Variants in MED13L observed in about 807,000 individuals in gnomAD.
MED13L encodes the protein mediator complex subunit 13L, also known as mediator of RNA polymerase II transcription subunit 13-like.
In MED13L, 7 loss-of-function variants were observed where a neutral mutation model predicts 220.9. The observed-to-expected ratio is 0.03, with a 90% confidence interval of 0.02 to 0.06. MED13L has a LOEUF of 0.06. Among genes scored for constraint, MED13L ranks in the 10% least tolerant of loss-of-function variants. The probability of loss-of-function intolerance (pLI) is 1.00; values close to 1 mark genes in which losing one functional copy is unlikely to be tolerated. For missense variants in MED13L, 1,965 were observed against 2,760.5 expected (o/e 0.71, Z 6.46); for synonymous variants, 1,011 against 1,015.2 (o/e 1.00, Z 0.08).
At chr12:116,134,671 T>C (rs1876374420) in intron 2 of MED13L, among the ~76,000 whole-genome samples, 1 of 152,194 alleles carries the variant, frequency 6.6e-6, no homozygotes, top group Non-Finnish European at 1.5e-5. Context: ...GCAAGTTAAA[T>C]GCAATTAAGT....
chr12:116,079,414 G>C (rs983417961), intron 4 of MED13L, among the ~76,000 whole-genome samples: 1 of 151,940 alleles, frequency 6.6e-6, no homozygotes. Context: ...ATGGGGGAGG[G>C]GGGGTCTCAC....
chr12:116,119,084 G>A (rs984203923), intron 2 of MED13L, among the ~76,000 whole-genome samples: 1 of 152,168 alleles, frequency 6.6e-6, no homozygotes, highest in South Asian at 2.1e-4. Flanking sequence ...CTGTCACTCA[G>A]TGTCGGGCTT....
At chr12:116,233,920 A>G (rs988583600) in intron 2 of MED13L, among the ~76,000 whole-genome samples, 3 of 152,206 alleles carry the variant, frequency 2.0e-5, no homozygotes, top group Non-Finnish European at 4.4e-5. Flanking sequence ...TTTCAGAGAT[A>G]TGTCAAGCAA....
Position 116,277,170 on chromosome 12 carries a change from G to C in MED13L, c.-39C>G. 6.7e-7 allele frequency: 1 copy of C among 1,490,374 alleles called. No homozygotes were observed. Among genetic ancestry groups the C allele is most frequent in the Non-Finnish European group, 9.0e-7 (1 of 1,110,940 alleles). The allele number at this position is 1,490,374 out of a possible 1,614,324, so 92.3% of individuals were successfully genotyped here. ...CCCGGCCGCCAGAGCGGGGCATGTC[G>C]GAGCGAGGCGTCCGAGGCGAGGCCG... On this transcript the variant is annotated 5_prime_UTR_variant, in exon 1 of 31. Transcript: ENST00000281928.
At chr12:116,005,717 A>G in intron 13 of MED13L, 152 bp downstream of exon 13, 2 of 1,010,472 alleles carry the variant, frequency 2.0e-6, no homozygotes, top group Non-Finnish European at 3.0e-6. Context: ...GCATGACTAG[A>G]TTCCAGTATA....
chr12:115,999,756 C>T (rs1395866918), intron 14 of MED13L, among the ~76,000 whole-genome samples: 1 of 152,136 alleles, frequency 6.6e-6, no homozygotes, highest in Non-Finnish European at 1.5e-5. Flanking sequence ...TTTCCACCCA[C>T]TTAGTGTTAG....
At chr12:116,111,563 C>T (rs776269902) in intron 2 of MED13L, 51 bp from the exon 3 acceptor site, 1 of 1,394,370 alleles carries the variant, frequency 7.2e-7, no homozygotes, top group South Asian at 1.3e-5. Context: ...AAAGGACATC[C>T]AAATAAAAAG....
chr12:115,993,284 C>T (rs1878185515), intron 16 of MED13L, among the ~76,000 whole-genome samples: 1 of 152,072 alleles, frequency 6.6e-6, no homozygotes, highest in South Asian at 2.1e-4. Flanking sequence ...GTCCATTCTT[C>T]CTACTTAGAA....
chr12:115,975,766 G>A, intron 23 of MED13L, 28 bp from the exon 24 acceptor site: 2 of 1,594,912 alleles, frequency 1.3e-6, no homozygotes, highest in Non-Finnish European at 1.7e-6. Flanking sequence ...ATCAATATCA[G>A]TACAAAGCCA....
At chr12:116,241,034 C>T (rs1019967877) in intron 1 of MED13L, among the ~76,000 whole-genome samples, 75 of 151,978 alleles carry the variant, frequency 4.9e-4, no homozygotes, top group African/African-American at 1.6e-3. Flanking sequence ...ATAGGCCAGG[C>T]GCAGTGGCTC....
chr12:116,022,832 T>C (rs539246100), intron 4 of MED13L, among the ~76,000 whole-genome samples: 6 of 152,322 alleles, frequency 3.9e-5, no homozygotes, highest in African/African-American at 1.2e-4. Context: ...CTGTACAAAA[T>C]GTTTCCAGTT....
At chr12:116,160,850 G>T (rs138874428) in intron 2 of MED13L, among the ~76,000 whole-genome samples, 1 of 151,320 alleles carries the variant, frequency 6.6e-6, no homozygotes, top group Non-Finnish European at 1.5e-5. Flanking sequence ...TTATAGGCGT[G>T]AGCCACCGTG....
intron 1 of MED13L, among the ~76,000 whole-genome samples, chr12:116,238,648 T>C (rs779876079): frequency 6.6e-6 from 1 of 152,222 alleles, no homozygotes; most frequent in Non-Finnish European, 1.5e-5. Context: ...TGTTAGCAAG[T>C]TGTTTGCAAA....
Position 116,019,324 on chromosome 12 carries a change from G to A in MED13L, c.909C>T (p.Gly303=), listed in dbSNP as rs758993882. ...PVPQSVASAG[G]HIAVGQQGLG... ...GCCCTTGCTGCCCAACTGCAATGTG[G>A]CCTCCAGCACTGGCAACACTCTGAG... The change falls in exon 7 of 31, where the codon GGC becomes GGT. Residue 303 remains glycine, a synonymous_variant. Transcript: ENST00000281928. 20 of 1,613,908 alleles carry A rather than the reference G, an allele frequency of 1.2e-5. No individual in the cohort carries two copies. The highest frequency in any genetic ancestry group is 1.7e-6 in the Non-Finnish European group (2 of 1,179,966).
At chr12:116,211,422 C>CAA (rs533209410) in intron 2 of MED13L, among the ~76,000 whole-genome samples, 1 of 145,990 alleles carries the variant, frequency 6.8e-6, no homozygotes, top group African/African-American at 2.5e-5. Flanking sequence ...TTTTGCTGAC[C>CAA]AAAAAAAAAA....
intron 25 of MED13L, 55 bp from the exon 26 acceptor site, chr12:115,972,291 G>GCC (rs1280345867): frequency 3.8e-6 from 6 of 1,598,476 alleles, no homozygotes; most frequent in Non-Finnish European, 5.1e-6. Flanking sequence ...ACTGATGGGA[G>GCC]ATTTGAGCTT....
chr12:116,132,146 C>A (rs532976288), intron 2 of MED13L, among the ~76,000 whole-genome samples: 2 of 151,766 alleles, frequency 1.3e-5, no homozygotes, highest in South Asian at 4.2e-4. Flanking sequence ...CAGGTCATGA[C>A]GGCAGGTGCC....
At chr12:116,066,331 G>A (rs1244498355) in intron 4 of MED13L, among the ~76,000 whole-genome samples, 3 of 152,266 alleles carry the variant, frequency 2.0e-5, no homozygotes, top group East Asian at 1.9e-4. Flanking sequence ...AGAAGAAAAC[G>A]ACTTACTTTC....
At chr12:116,275,051 T>C (rs950413584) in intron 1 of MED13L, among the ~76,000 whole-genome samples, 2 of 151,952 alleles carry the variant, frequency 1.3e-5, no homozygotes, top group Non-Finnish European at 2.9e-5. Flanking sequence ...ATACATATAC[T>C]TTCATTTGTC....
Sources: allele counts gnomAD v4.1 joint callset (sites outside exome capture counted in the v4.1 genomes callset), GRCh38; gene constraint gnomAD v4.1.1; transcripts MANE v1.5; gene names NCBI Gene and HGNC (gene_info 2026-07-23, HGNC 2026-07-21).